Variants in SLC35F3 observed in about 807,000 individuals in gnomAD.
The protein encoded by SLC35F3 is solute carrier family 35 member F3.
Under a neutral mutation model 49.9 loss-of-function variants are expected in SLC35F3, and 25 were observed. The ratio of observed to expected loss-of-function variants is 0.50; its 90% confidence interval spans 0.37 to 0.70. The LOEUF (loss-of-function observed/expected upper bound fraction) is 0.70, where lower values mean the gene tolerates loss of function less well. Among genes scored for constraint, SLC35F3 ranks in the 30% least tolerant of loss-of-function variants. The pLI is 0.00. For missense variants in SLC35F3, 525 were observed against 639.8 expected (o/e 0.82, Z 1.94); for synonymous variants, 275 against 265.4 (o/e 1.04, Z -0.35).
chr1:234,319,151 A>G (rs1657558093), intron 6 of SLC35F3, among the ~76,000 whole-genome samples: 1 of 152,250 alleles, frequency 6.6e-6, no homozygotes, highest in Admixed American at 6.5e-5. Flanking sequence ...CAGTAGTCGC[A>G]GTGGTCACTG....
At chr1:234,114,202 T>C (rs1665449973) in intron 2 of SLC35F3, among the ~76,000 whole-genome samples, 2 of 152,232 alleles carry the variant, frequency 1.3e-5, no homozygotes, top group Non-Finnish European at 2.9e-5. Flanking sequence ...TGCTGTTCTT[T>C]GGAAATTTAT....
At chr1:234,121,415 G>A (rs1433446329) in intron 2 of SLC35F3, among the ~76,000 whole-genome samples, 1 of 152,020 alleles carries the variant, frequency 6.6e-6, no homozygotes, top group Non-Finnish European at 1.5e-5. Context: ...TGGGATTACA[G>A]GCATGAGCCA....
chr1:234,215,065 T>G (rs1667101715), intron 2 of SLC35F3: 1 of 153,712 alleles, frequency 6.5e-6, no homozygotes, highest in African/African-American at 2.4e-5. Context: ...GAGACGTCTG[T>G]CCTGCGTGTT....
At chr1:234,212,051 A>T (rs1427846743) in intron 2 of SLC35F3, among the ~76,000 whole-genome samples, 1 of 152,180 alleles carries the variant, frequency 6.6e-6, no homozygotes, top group African/African-American at 2.4e-5. Flanking sequence ...GTTTCCCTGC[A>T]CAAGCACTCT....
At chr1:234,129,715 T>C (rs950805913) in intron 2 of SLC35F3, among the ~76,000 whole-genome samples, 4 of 152,306 alleles carry the variant, frequency 2.6e-5, no homozygotes, top group Middle Eastern at 3.4e-3. Flanking sequence ...GGTGTTAGGA[T>C]AGACAAATAG....
At chr1:234,254,177 C>T (rs189986894) in intron 3 of SLC35F3, among the ~76,000 whole-genome samples, 11 of 152,284 alleles carry the variant, frequency 7.2e-5, no homozygotes, top group Non-Finnish European at 2.9e-5. Flanking sequence ...TGTCTGTGGG[C>T]TGGTTCATTT....
At chr1:233,910,802 A>G (rs955789917) in intron 2 of SLC35F3, among the ~76,000 whole-genome samples, 2 of 152,162 alleles carry the variant, frequency 1.3e-5, no homozygotes, top group African/African-American at 4.8e-5. Flanking sequence ...ACTATTATTC[A>G]CTACAGGTTC....
At chr1:234,014,779 A>G (rs1663777602) in intron 2 of SLC35F3, among the ~76,000 whole-genome samples, 1 of 152,246 alleles carries the variant, frequency 6.6e-6, no homozygotes, top group Non-Finnish European at 1.5e-5. Flanking sequence ...AAAGAGGTGA[A>G]AGATCTGTAC....
intron 2 of SLC35F3, among the ~76,000 whole-genome samples, chr1:234,066,269 C>T (rs1407919938): frequency 2.0e-5 from 3 of 152,100 alleles, no homozygotes; most frequent in African/African-American, 7.2e-5. Context: ...AGGTGAGGTC[C>T]CTCCTCTGCT....
chr1:234,292,744 C>A (rs779408294), intron 3 of SLC35F3, among the ~76,000 whole-genome samples: 21 of 152,170 alleles, frequency 1.4e-4, no homozygotes, highest in Admixed American at 3.3e-4. Context: ...CTGTCAGTTC[C>A]CTGCCATGAA....
chr1:234,159,820 G>A lies in SLC35F3; in HGVS notation c.284-71597G>A, dbSNP rs112835484. On this transcript the variant is annotated intron_variant, in intron 2 of 7. Coordinates refer to ENST00000366618, the MANE Select transcript of SLC35F3 (RefSeq NM_173508.4). ...GTATTTACCCTCATGGTCTAGGTGGGGATGCTAAAAATAATCACTACACAA... is the reference window on the plus strand; with the variant it reads ...GTATTTACCCTCATGGTCTAGGTGGAGATGCTAAAAATAATCACTACACAA... 6.2e-3 allele frequency among the ~76,000 whole-genome samples: 943 copies of A among 152,082 alleles called. 13 individuals are homozygous for A. Among genetic ancestry groups the A allele is most frequent in the African/African-American group, 0.022 (901 of 41,498 alleles).
At chr1:234,003,738 A>G (rs1663587275) in intron 2 of SLC35F3, among the ~76,000 whole-genome samples, 1 of 152,228 alleles carries the variant, frequency 6.6e-6, no homozygotes, top group African/African-American at 2.4e-5. Context: ...ATGGAGGAAT[A>G]CGGAATGAAC....
chr1:234,297,341 A>G (rs1266348853), intron 3 of SLC35F3, among the ~76,000 whole-genome samples: 1 of 152,220 alleles, frequency 6.6e-6, no homozygotes, highest in African/African-American at 2.4e-5. Flanking sequence ...TTAAAGAGGT[A>G]ATGTCTGCAT....
At chr1:234,006,227 ATG>A (rs1663628622) in intron 2 of SLC35F3, among the ~76,000 whole-genome samples, 2 of 152,194 alleles carry the variant, frequency 1.3e-5, no homozygotes, top group Non-Finnish European at 2.9e-5. Context: ...GGGAGAATAA[ATG>A]GCTAGTTCAT....
chr1:234,155,795 C>T (rs1417749874), intron 2 of SLC35F3, among the ~76,000 whole-genome samples: 1 of 139,886 alleles, frequency 7.1e-6, no homozygotes, highest in Non-Finnish European at 1.5e-5. Context: ...AAAAAAAACC[C>T]CAAAAACAAA....
At chr1:234,042,157 C>G (rs1397056492) in intron 2 of SLC35F3, among the ~76,000 whole-genome samples, 1 of 152,200 alleles carries the variant, frequency 6.6e-6, no homozygotes, top group Non-Finnish European at 1.5e-5. Flanking sequence ...CTGCCACTGA[C>G]AGAGTCAGAG....
At chr1:234,083,762 A>T (rs1664917019) in intron 2 of SLC35F3, among the ~76,000 whole-genome samples, 1 of 151,544 alleles carries the variant, frequency 6.6e-6, no homozygotes, top group Non-Finnish European at 1.5e-5. Context: ...TCAATTTACC[A>T]CTTTGAGTGG....
intron 2 of SLC35F3, among the ~76,000 whole-genome samples, chr1:234,105,323 T>G (rs1183802385): frequency 6.6e-6 from 1 of 152,166 alleles, no homozygotes; most frequent in African/African-American, 2.4e-5. Flanking sequence ...CTGGGGAAGC[T>G]GCTCCCAAGA....
At chr1:234,114,044 G>A (rs36062269) in intron 2 of SLC35F3, among the ~76,000 whole-genome samples, 21,176 of 152,192 alleles carry the variant, frequency 0.14, 3,219 homozygotes, top group East Asian at 0.81. Flanking sequence ...GCATTTGCCA[G>A]TTCCGCAGGG....
Sources: allele counts gnomAD v4.1 joint callset (sites outside exome capture counted in the v4.1 genomes callset), GRCh38; gene constraint gnomAD v4.1.1; transcripts MANE v1.5; gene names NCBI Gene and HGNC (gene_info 2026-07-23, HGNC 2026-07-21).